The following BCAR1 variants were observed in gnomAD, a reference collection of about 807,000 sequenced individuals.
The protein encoded by BCAR1 is BCAR1 scaffold protein, Cas family member.
A neutral mutation model predicts 67.6 loss-of-function variants in BCAR1; 30 were observed. The ratio of observed to expected loss-of-function variants is 0.44; its 90% confidence interval spans 0.33 to 0.60. The LOEUF is 0.60. Ranked by LOEUF, BCAR1 falls within the 20% of genes least tolerant of loss-of-function variation. BCAR1 has a pLI of 0.02. For missense variants in BCAR1, 1,313 were observed against 1,222.3 expected (o/e 1.07, Z -1.11); for synonymous variants, 626 against 556.7 (o/e 1.12, Z -1.75).
upstream of BCAR1, chr16:75,252,296 T>C (rs1263027204): frequency 6.5e-7 from 1 of 1,536,490 alleles, no homozygotes; most frequent in Admixed American, 2.0e-5. Flanking sequence ...ATCTGCCTCC[T>C]CTCATTACTC....
intron 1 of BCAR1, chr16:75,248,696 G>C (rs1008094684): frequency 6.4e-6 from 1 of 156,114 alleles, no homozygotes; most frequent in Non-Finnish European, 1.4e-5. Context: ...TACATAGCCT[G>C]TGCACGGGGC....
At chr16:75,236,171 C>T (rs1164835028) in intron 4 of BCAR1, 185 bp from the exon 5 acceptor site, 1 of 680,936 alleles carries the variant, frequency 1.5e-6, no homozygotes, top group Non-Finnish European at 2.4e-6. Context: ...CACACGCGCA[C>T]ACACACTCGC....
intron 1 of BCAR1, chr16:75,248,429 C>T: frequency 9.5e-7 from 1 of 1,050,820 alleles, no homozygotes; most frequent in Non-Finnish European, 1.2e-6. Flanking sequence ...CGGATGCAGG[C>T]CCAATAAGCA....
At chr16:75,259,780 AGGTG>A (rs2077858251) in intron 1 of BCAR1, among the ~76,000 whole-genome samples, 1 of 135,480 alleles carries the variant, frequency 7.4e-6, no homozygotes, top group Non-Finnish European at 1.5e-5. Flanking sequence ...TGAACCTAGG[AGGTG>A]GAGGTTGCAG....
intron 2 of BCAR1, chr16:75,238,102 G>A (rs1205237685): frequency 1.6e-6 from 2 of 1,288,748 alleles, no homozygotes; most frequent in African/African-American, 1.5e-5. Context: ...ATGACCCAGA[G>A]CCCAGGGAAG....
chr16:75,255,517 G>A (rs1340946307), upstream of BCAR1, among the ~76,000 whole-genome samples: 4 of 151,958 alleles, frequency 2.6e-5, no homozygotes, highest in South Asian at 2.1e-4. Context: ...CCAACATGGC[G>A]AAACTCCGTC....
chr16:75,263,171 C>T (rs2077941850), intron 1 of BCAR1: 2 of 981,268 alleles, frequency 2.0e-6, no homozygotes, highest in African/African-American at 1.7e-5. Context: ...AGTGGCCACA[C>T]TCACTTCACA....
chr16:75,264,423 C>A, intron 1 of BCAR1: 1 of 1,527,084 alleles, frequency 6.5e-7, no homozygotes, highest in Non-Finnish European at 8.8e-7. Flanking sequence ...GCTGGCCAGT[C>A]CCCTGAGGCC....
In BCAR1 at chr16:75,229,106, T is replaced by C. The variant is rs764003757; in HGVS notation, c.*405A>G. ...TGGAAAACCAATAACGAAAAATAGT[T>C]CTTCAGGTTCTTCTCCTGGTAAGGC... is the stretch of plus-strand genomic sequence containing the variant. On this transcript the variant is annotated 3_prime_UTR_variant, in exon 7 of 7. Transcript: ENST00000162330. 4 of 178,432 alleles carry C rather than the reference T, an allele frequency of 2.2e-5. No homozygotes were observed. The highest frequency in any genetic ancestry group is 3.5e-5 in the Non-Finnish European group (3 of 86,450). The allele number at this position is 178,432 out of a possible 1,614,324, so 11.1% of individuals were successfully genotyped here.
At chr16:75,231,036 T>C (rs1199514195) in intron 6 of BCAR1, among the ~76,000 whole-genome samples, 1 of 151,736 alleles carries the variant, frequency 6.6e-6, no homozygotes, top group Non-Finnish European at 1.5e-5. Flanking sequence ...TGGGGTTTTT[T>C]TTTTTTCAAT....
intron 4 of BCAR1, 127 bp downstream of exon 4, chr16:75,236,755 G>A: frequency 7.1e-7 from 1 of 1,402,328 alleles, no homozygotes; most frequent in Non-Finnish European, 9.3e-7. Context: ...CCAGAACCAG[G>A]GTCTGGAGCC....
At chr16:75,238,879 C>G in intron 2 of BCAR1, 1 of 985,378 alleles carries the variant, frequency 1.0e-6, no homozygotes, top group Non-Finnish European at 1.2e-6. Context: ...CTCCAGGCCT[C>G]CCAGCCTCCC....
intron 1 of BCAR1, chr16:75,267,837 A>C (rs946033186): frequency 4.5e-5 from 66 of 1,473,600 alleles, no homozygotes; most frequent in Non-Finnish European, 5.4e-5. Context: ...TTACCGCCCC[A>C]GGGGCTGCTT....
At chr16:75,258,754 G>A (rs1364008898) in intron 1 of BCAR1, among the ~76,000 whole-genome samples, 3 of 152,250 alleles carry the variant, frequency 2.0e-5, no homozygotes, top group Non-Finnish European at 4.4e-5. Flanking sequence ...GTGGCCGCAG[G>A]AGCACACAGA....
upstream of BCAR1, among the ~76,000 whole-genome samples, chr16:75,255,370 C>T (rs910006883): frequency 6.6e-6 from 1 of 152,152 alleles, no homozygotes; most frequent in African/African-American, 2.4e-5. Context: ...GAAACGGTAT[C>T]TCTGGAGGGC....
Position 75,234,072 on chromosome 16 carries a change from C to A in BCAR1, c.2011-137G>T, listed in dbSNP as rs563439054. On this transcript the variant is annotated intron_variant, in intron 5 of 6. Transcript: ENST00000162330. ...GCGCGCACACACACGCACACGTGGA[C>A]GCACACACACACTAGCACACGTGGA... 6.3e-5 allele frequency: 46 copies of A among 728,966 alleles called. No individual in the cohort carries two copies. In the African/African-American group the frequency reaches 7.4e-4, roughly 12 times the overall value. The allele number at this position is 728,966 out of a possible 1,614,324, so 45.2% of individuals were successfully genotyped here. A position where few individuals can be genotyped will look rare whatever the true frequency, so the allele number is the denominator to read the frequency against.
In BCAR1 at chr16:75,229,333, T is replaced by G; in HGVS notation, c.*178A>C. On this transcript the variant is annotated 3_prime_UTR_variant, in exon 7 of 7. Transcript: ENST00000162330. ...CTGGGCTTCGGCTCCTGAGGAGGCA[T>G]GGCCCCACACCCTGCCCGGCCATAA... 3.8e-6 allele frequency: 4 copies of G among 1,060,446 alleles called. No homozygotes were observed. The highest frequency in any genetic ancestry group is 5.2e-6 in the Non-Finnish European group (4 of 774,970). 65.7% of individuals were successfully genotyped at this position (1,060,446 alleles called of 1,614,324 possible).
chr16:75,243,148 TC>T, intron 1 of BCAR1, 58 bp from the exon 2 acceptor site: 1 of 1,505,000 alleles, frequency 6.6e-7, no homozygotes, highest in Non-Finnish European at 9.0e-7. Flanking sequence ...CGTCAGGGGC[TC>T]CCCAGCTCCT....
intron 1 of BCAR1, among the ~76,000 whole-genome samples, chr16:75,261,341 T>C (rs2077904275): frequency 6.6e-6 from 1 of 152,030 alleles, no homozygotes; most frequent in Non-Finnish European, 1.5e-5. Context: ...GCACCAGTGG[T>C]AGGAAATGGG....
Sources: gnomAD v4.1 joint callset for allele counts (sites outside exome capture counted in the v4.1 genomes callset) on GRCh38, gnomAD v4.1.1 for gene constraint, MANE v1.5 for transcripts, NCBI Gene and HGNC (gene_info 2026-07-23, HGNC 2026-07-21) for gene names.